SLCO3A1: variants seen among roughly 807,000 people sequenced by gnomAD.
SLCO3A1 encodes the protein PGE1 transporter.
SLCO3A1 carries 27 observed loss-of-function variants against 63.1 expected under a neutral mutation model. The observed-to-expected ratio is 0.43, with a 90% CI of 0.32 to 0.59. The LOEUF (loss-of-function observed/expected upper bound fraction) is 0.59, where lower values mean the gene tolerates loss of function less well. SLCO3A1 is among the 20% of genes least tolerant of loss of function. SLCO3A1 has a pLI of 0.09. For missense variants in SLCO3A1, 773 were observed against 945.8 expected (o/e 0.82, Z 2.40); for synonymous variants, 473 against 409.9 (o/e 1.15, Z -1.86).
In SLCO3A1 at chr15:92,032,248, G is replaced by GT. The variant is rs560560018; in HGVS notation, c.647-62632dup. Among the ~76,000 whole-genome samples the GT allele has an allele frequency of 2.0e-5, 3 of 152,324 alleles. No homozygotes were observed. The South Asian group carries it at 6.2e-4, about 32-fold the overall frequency. The stretch of plus-strand genomic sequence containing the variant: ...AGAGGGTCACACCATGTGCAGGCGT[G>GT]TGGCAGGGGGAGAATGAGGGAGCAG... On this transcript the variant is annotated intron_variant, in intron 2 of 9. Coordinates refer to ENST00000318445, the MANE Select transcript of SLCO3A1 (RefSeq NM_013272.4).
chr15:92,154,649 C>T (rs1012287661), intron 9 of SLCO3A1, among the ~76,000 whole-genome samples: 3 of 152,086 alleles, frequency 2.0e-5, no homozygotes, highest in South Asian at 2.1e-4. Flanking sequence ...AATGTGAGAT[C>T]GGTCTCCCTT....
chr15:91,873,862 A>G (rs1443511775), intron 1 of SLCO3A1, among the ~76,000 whole-genome samples: 1 of 152,128 alleles, frequency 6.6e-6, no homozygotes, highest in African/African-American at 2.4e-5. Context: ...CCACAAACCA[A>G]TTCAAGATCA....
chr15:91,990,086 A>T (rs1406738997), intron 2 of SLCO3A1, among the ~76,000 whole-genome samples: 1 of 152,198 alleles, frequency 6.6e-6, no homozygotes, highest in Non-Finnish European at 1.5e-5. Flanking sequence ...AGATTTTTAA[A>T]ATGATGGCGG....
Position 91,886,030 on chromosome 15 carries a change from C to G in SLCO3A1, c.181-29963C>G, listed in dbSNP as rs144969367. Among the ~76,000 whole-genome samples, 604 of 152,124 alleles carry G rather than the reference C, an allele frequency of 4.0e-3. 3 individuals are homozygous for G. Among genetic ancestry groups the G allele is most frequent in the African/African-American group, 0.014 (573 of 41,504 alleles). ...AGAGAGGTGGGTGGAAGACCAGACC[C>G]GGCAGGCCCCTGTGAGCCACAGGGA... On this transcript the variant is annotated intron_variant, in intron 1 of 9. Coordinates refer to ENST00000318445, the MANE Select transcript of SLCO3A1 (RefSeq NM_013272.4). The surrounding 1 kb of genome is among the most constrained non-coding windows in gnomAD (Gnocchi z 4.9).
At chr15:91,929,857 T>C (rs1167327961) in intron 2 of SLCO3A1, among the ~76,000 whole-genome samples, 1 of 152,170 alleles carries the variant, frequency 6.6e-6, no homozygotes, top group Non-Finnish European at 1.5e-5. Flanking sequence ...TGTTGCAGCA[T>C]TGGGTCAGAA....
intron 2 of SLCO3A1, among the ~76,000 whole-genome samples, chr15:91,932,489 A>G (rs1380960045): frequency 6.6e-6 from 1 of 151,526 alleles, no homozygotes; most frequent in Non-Finnish European, 1.5e-5. Flanking sequence ...TCTATTGCCC[A>G]GGCTGGAGTG....
intron 2 of SLCO3A1, among the ~76,000 whole-genome samples, chr15:92,040,836 T>G (rs2046788388): frequency 1.3e-5 from 2 of 152,190 alleles, no homozygotes; most frequent in African/African-American, 4.8e-5. Context: ...TGTGGAGCTG[T>G]TTAAAATGAC....
chr15:91,974,068 G>A (rs1900992594), intron 2 of SLCO3A1, among the ~76,000 whole-genome samples: 1 of 152,018 alleles, frequency 6.6e-6, no homozygotes, highest in African/African-American at 2.4e-5. Context: ...GCAAGAGAGA[G>A]TGTCCCTGGA....
chr15:92,096,146 T>C (rs936322006), intron 3 of SLCO3A1, among the ~76,000 whole-genome samples: 2 of 152,200 alleles, frequency 1.3e-5, no homozygotes, highest in East Asian at 3.8e-4. Flanking sequence ...AACCTGGTCT[T>C]GGATCATCCC....
At chr15:92,065,489 T>C (rs1166445752) in intron 2 of SLCO3A1, among the ~76,000 whole-genome samples, 2 of 152,100 alleles carry the variant, frequency 1.3e-5, no homozygotes, top group African/African-American at 4.8e-5. Flanking sequence ...AAATTAAAAA[T>C]AAAATTTTTA....
rs1555427681 is a variant in SLCO3A1 at position 92,047,525 on chromosome 15, A to AAATATATAAATATATAT, written c.647-47339_647-47323dup. On this transcript the variant is annotated intron_variant, in intron 2 of 9. Transcript: ENST00000318445. ...TATAAATATATATAAATACATAAAT[A>AAATATATAAATATATAT]AATATATAAATATATATAATATATA... Among the ~76,000 whole-genome samples, 68 of 25,006 alleles carry AAATATATAAATATATAT rather than the reference A, an allele frequency of 2.7e-3. 7 individuals carry two copies. The highest frequency in any genetic ancestry group is 0.013 in the African/African-American group (65 of 5,116). 16.4% of individuals were successfully genotyped at this position (25,006 alleles called of 152,430 possible).
intron 2 of SLCO3A1, among the ~76,000 whole-genome samples, chr15:92,009,172 C>T (rs978310458): frequency 2.0e-5 from 3 of 152,170 alleles, no homozygotes; most frequent in Admixed American, 1.3e-4. Flanking sequence ...TCTGCCGAGC[C>T]GTCCCCTGAG....
Position 92,012,742 on chromosome 15 carries a change from T to TA in SLCO3A1, c.647-82118dup, listed in dbSNP as rs33945478. Among the ~76,000 whole-genome samples, 211 of 126,678 alleles carry TA rather than the reference T, an allele frequency of 1.7e-3. 2 individuals are homozygous for TA. The highest frequency in any genetic ancestry group is 8.2e-3 in the South Asian group (31 of 3,760). The allele number at this position is 126,678 out of a possible 152,430, so 83.1% of individuals were successfully genotyped here. On this transcript the variant is annotated intron_variant, in intron 2 of 9. Transcript: ENST00000318445. ...ACATGATGAAATGCTGTCTCTAATT[T>TA]AAAAAAAAAAAAAAAAAAAAAGGCT...
Position 91,982,466 on chromosome 15 carries a change from A to G in SLCO3A1, c.646+66008A>G, listed in dbSNP as rs78026292. On this transcript the variant is annotated intron_variant, in intron 2 of 9. Transcript: ENST00000318445. ...TAAGATTGATCTCCAGTTAAGCAGT[A>G]TTTTCAACTCTTTTTCTTCCTTAGC... is the stretch of plus-strand genomic sequence containing the variant. Among the ~76,000 whole-genome samples, 422 of 152,350 alleles carry G rather than the reference A, an allele frequency of 2.8e-3. 2 individuals are homozygous for G. The highest frequency in any genetic ancestry group is 9.7e-3 in the African/African-American group (403 of 41,590).
intron 2 of SLCO3A1, among the ~76,000 whole-genome samples, chr15:92,046,385 G>T (rs1396882660): frequency 6.6e-6 from 1 of 151,844 alleles, no homozygotes; most frequent in Non-Finnish European, 1.5e-5. Context: ...AAATACCTGG[G>T]CGATGTGGCT....
chr15:91,956,529 G>A (rs2151416715), intron 2 of SLCO3A1, among the ~76,000 whole-genome samples: 1 of 152,236 alleles, frequency 6.6e-6, no homozygotes, highest in Non-Finnish European at 1.5e-5. Context: ...CTGGCAATGG[G>A]AAATGGCCTC....
intron 2 of SLCO3A1, among the ~76,000 whole-genome samples, chr15:92,048,837 G>A (rs1292841935): frequency 1.3e-5 from 2 of 152,230 alleles, no homozygotes; most frequent in African/African-American, 2.4e-5. Context: ...GGCGGAGGTT[G>A]CAGTGAGCCG....
chr15:91,997,998 A>G (rs1162272426), intron 2 of SLCO3A1, among the ~76,000 whole-genome samples: 1 of 152,232 alleles, frequency 6.6e-6, no homozygotes, highest in African/African-American at 2.4e-5. Flanking sequence ...AAACAAAAAC[A>G]AATTAACTAA....
rs1391137267 is a variant in SLCO3A1, at chr15:91,882,964, T to C, written c.180+28876T>C. The stretch of plus-strand genomic sequence containing the variant: ...TTCTTTAAGAAGTTGGTTGGGCTGC[T>C]CTATTAATGCCCAGTGAGTAAGGGA... On this transcript the variant is annotated intron_variant, in intron 1 of 9. Coordinates refer to ENST00000318445, the MANE Select transcript of SLCO3A1 (RefSeq NM_013272.4). This position sits in a 1 kb window ranked among gnomAD's most constrained non-coding sequence, Gnocchi z 4.4. Among the ~76,000 whole-genome samples the C allele has an allele frequency of 1.3e-5, 2 of 152,186 alleles. No homozygotes were observed. The highest frequency in any genetic ancestry group is 2.9e-5 in the Non-Finnish European group (2 of 68,034).
Sources: allele counts gnomAD v4.1 joint callset (sites outside exome capture counted in the v4.1 genomes callset), GRCh38; gene constraint gnomAD v4.1.1; non-coding constraint Gnocchi (gnomAD v3.1); transcripts MANE v1.5; gene names NCBI Gene and HGNC (gene_info 2026-07-23, HGNC 2026-07-21).